The following KIF26A variants were observed in gnomAD, a reference collection of about 807,000 sequenced individuals.
KIF26A encodes the protein kinesin-like protein KIF26A.
In KIF26A, 74 loss-of-function variants were observed where a neutral mutation model predicts 126.0. The ratio of observed to expected loss-of-function variants is 0.59; its 90% CI spans 0.49 to 0.71. The LOEUF is 0.71. Among genes scored for constraint, KIF26A ranks in the 30% least tolerant of loss-of-function variants. The pLI is 0.00. For missense variants in KIF26A, 2,984 were observed against 2,763.3 expected, an observed-to-expected ratio of 1.08 and a Z score of -1.79; for synonymous variants, 1,445 against 1,232.7, an observed-to-expected ratio of 1.17 and a Z score of -3.61.
chr14:104,173,623 C>T lies in KIF26A; in HGVS notation c.1868-83C>T, dbSNP rs577378010. 620 of 1,546,956 alleles carry T rather than the reference C, an allele frequency of 4.0e-4. 8 individuals carry two copies. In the South Asian group the frequency reaches 6.6e-3, roughly 16 times the overall value. ...CCTGGGGATGTCCCTGGGGTTGTCCCCAGCTTGGGCCTGGGGTGGGGATGT... is the reference window on the plus strand; with the variant it reads ...CCTGGGGATGTCCCTGGGGTTGTCCTCAGCTTGGGCCTGGGGTGGGGATGT... On this transcript the variant is annotated intron_variant, in intron 9 of 14. Transcript: ENST00000423312.
In KIF26A at chr14:104,176,145, C is replaced by T. The variant is rs546337927; in HGVS notation, c.3357C>T (p.Val1119=). The part of the protein sequence containing the change: ...SISSWLSEVS[V]CTADSRDPTP... ...GCTCCTGGCTCAGCGAGGTCAGCGT[C>T]TGCACTGCCGACAGCCGTGACCCCA... Residue 1119 remains valine (V), a synonymous_variant, in exon 12 of 15, where the codon GTC becomes GTT. Coordinates refer to ENST00000423312, the MANE Select transcript of KIF26A (RefSeq NM_015656.2). 2.4e-4 allele frequency: 387 copies of T among 1,585,384 alleles called. No homozygotes were observed. Among genetic ancestry groups the T allele is most frequent in the Non-Finnish European group, 3.2e-4 (376 of 1,167,078 alleles).
rs769541880 is a variant in KIF26A, at chr14:104,180,564, T to A, written c.*774T>A. ...TCATATTTTTATATCATTTTGCCCA[T>A]AAATGCGGAATTTGCCGTGGGAATT... On this transcript the variant is annotated 3_prime_UTR_variant, in exon 15 of 15. Coordinates refer to ENST00000423312, the MANE Select transcript of KIF26A (RefSeq NM_015656.2). 6.5e-6 allele frequency: 1 copy of A among 152,854 alleles called. No individual in the cohort carries two copies. The highest frequency in any genetic ancestry group is 2.4e-5 in the African/African-American group (1 of 41,468). The allele number at this position is 152,854 out of a possible 1,614,324, so 9.5% of individuals were successfully genotyped here. A position where few individuals can be genotyped will look rare whatever the true frequency, so the allele number is the denominator to read the frequency against.
At chr14:104,172,729 C>A in intron 7 of KIF26A, 61 bp downstream of exon 7, 1 of 1,327,150 alleles carries the variant, frequency 7.5e-7, no homozygotes. Context: ...ATCCTCATCA[C>A]GGTGGTTGCT....
chr14:104,143,548 TG>T (rs2037655645), intron 2 of KIF26A, among the ~76,000 whole-genome samples: 1 of 152,210 alleles, frequency 6.6e-6, no homozygotes, highest in Non-Finnish European at 1.5e-5. Context: ...CCTGGATGGA[TG>T]GGGGCATCTC....
chr14:104,138,970 G>C, intron 1 of KIF26A, 73 bp from the exon 2 acceptor site: 1 of 1,308,948 alleles, frequency 7.6e-7, no homozygotes, highest in Non-Finnish European at 9.7e-7. Context: ...TCACGCTGGG[G>C]CAGGGCGCGC....
At chr14:104,157,994 G>A (rs142639926) in intron 4 of KIF26A, 52 bp downstream of exon 4, 84 of 1,446,128 alleles carry the variant, frequency 5.8e-5, no homozygotes, top group African/African-American at 1.5e-4. Flanking sequence ...CCATGGCCCC[G>A]GCTGTGGGCC....
chr14:104,179,483 G>A, intron 14 of KIF26A, 97 bp downstream of exon 14: 1 of 1,427,862 alleles, frequency 7.0e-7, no homozygotes, highest in South Asian at 1.5e-5. Flanking sequence ...GTACCTCGTG[G>A]TGGGAAGGCT....
At chr14:104,172,827 C>A (rs1596147475) in intron 7 of KIF26A, 150 bp from the exon 8 acceptor site, 1 of 1,193,792 alleles carries the variant, frequency 8.4e-7, no homozygotes, top group African/African-American at 1.5e-5. Context: ...GGAAGCTGAA[C>A]CCCTGCCGAA....
chr14:104,173,398 G>C lies in KIF26A; in HGVS notation c.1752G>C (p.Leu584=), dbSNP rs751106719. Residue 584 remains leucine, a synonymous_variant, in exon 9 of 15, where the codon CTG becomes CTC. Transcript: ENST00000423312. ...EKAAFYLDAA[L]AARSTSRAGC... ...CGGCTTTCTACCTGGATGCGGCCCT[G>C]GCGGCCCGCAGCACCAGCCGAGCGG... 3.2e-6 allele frequency: 5 copies of C among 1,584,226 alleles called. No individual in the cohort carries two copies. Among genetic ancestry groups the C allele is most frequent in the African/African-American group, 2.7e-5 (2 of 74,174 alleles).
At chr14:104,146,324 GCC>G (rs1222136404) in intron 2 of KIF26A, among the ~76,000 whole-genome samples, 1 of 152,104 alleles carries the variant, frequency 6.6e-6, no homozygotes, top group Non-Finnish European at 1.5e-5. Flanking sequence ...TCCTGGTCCT[GCC>G]CAACTTCCTG....
At chr14:104,172,748 C>G in intron 7 of KIF26A, 80 bp downstream of exon 7, 2 of 1,220,872 alleles carry the variant, frequency 1.6e-6, no homozygotes, top group Non-Finnish European at 2.3e-6. Context: ...CTGGCAGCTT[C>G]TGATGGGAAA....
chr14:104,174,175 T>C lies in KIF26A; in HGVS notation c.2058T>C (p.Arg686=). Residue 686 remains arginine, a synonymous_variant, in exon 11 of 15, where the codon CGT becomes CGC. Coordinates refer to ENST00000423312, the MANE Select transcript of KIF26A (RefSeq NM_015656.2). ...YRDHRLTMLL[R]ESLATAGCRT... Reference sequence around the variant, plus strand: ...ACCACAGGCTCACCATGCTGCTGCGTGAATCCCTGGCCACCGCTGGCTGCC... The same window carrying C: ...ACCACAGGCTCACCATGCTGCTGCGCGAATCCCTGGCCACCGCTGGCTGCC... 6.3e-7 allele frequency: 1 copy of C among 1,590,016 alleles called. No individual in the cohort carries two copies.
intron 2 of KIF26A, among the ~76,000 whole-genome samples, chr14:104,140,329 C>T (rs1204151882): frequency 3.9e-5 from 6 of 152,154 alleles, no homozygotes; most frequent in Non-Finnish European, 7.4e-5. Context: ...GGGCTGGACC[C>T]GCCCTGTCCT....
At chr14:104,171,679 C>G (rs1163263578) in intron 5 of KIF26A, 44 bp from the exon 6 acceptor site, 2 of 1,496,166 alleles carry the variant, frequency 1.3e-6, no homozygotes, top group Admixed American at 3.9e-5. Flanking sequence ...TAGTGGCCGG[C>G]TGGGCGGAGG....
chr14:104,166,144 G>A (rs533046406), intron 4 of KIF26A, among the ~76,000 whole-genome samples: 6 of 151,934 alleles, frequency 3.9e-5, no homozygotes, highest in South Asian at 2.1e-4. Context: ...GTGGCAGCGG[G>A]GGCACTTCCC....
At chr14:104,179,480 G>T in intron 14 of KIF26A, 94 bp downstream of exon 14, 1 of 1,426,270 alleles carries the variant, frequency 7.0e-7, no homozygotes, top group African/African-American at 1.4e-5. Context: ...CCTGTACCTC[G>T]TGGTGGGAAG....
At chr14:104,160,153 G>T (rs370832434) in intron 4 of KIF26A, among the ~76,000 whole-genome samples, 1 of 152,232 alleles carries the variant, frequency 6.6e-6, no homozygotes, top group South Asian at 2.1e-4. Flanking sequence ...CACGGGACCC[G>T]TGTAGCAGTC....
intron 4 of KIF26A, 31 bp downstream of exon 4, chr14:104,157,973 T>C: frequency 6.8e-7 from 1 of 1,468,114 alleles, no homozygotes; most frequent in East Asian, 2.6e-5. Context: ...GGCAGCCTTG[T>C]GGGCAGGGCC....
chr14:104,177,373 G>C lies in KIF26A; in HGVS notation c.4585G>C (p.Gly1529Arg). The change falls in exon 12 of 15, where the codon GGC becomes CGC. Residue 1529 changes from glycine (G) to arginine (R), a missense_variant. Transcript: ENST00000423312. The part of the protein sequence containing the change: ...TASVTGRSPG[G>R]PVAGPRAAPR... ...CTCTGTGACGGGCAGGAGCCCTGGC[G>C]GCCCTGTGGCCGGTCCCAGAGCAGC... 6.7e-7 allele frequency: 1 copy of C among 1,484,010 alleles called. No homozygotes were observed. The highest frequency in any genetic ancestry group is 2.5e-5 in the East Asian group (1 of 40,500). The allele number at this position is 1,484,010 out of a possible 1,614,324, so 91.9% of individuals were successfully genotyped here.
Sources: allele counts gnomAD v4.1 joint callset (sites outside exome capture counted in the v4.1 genomes callset), GRCh38; gene constraint gnomAD v4.1.1; transcripts MANE v1.5; gene names NCBI Gene and HGNC (gene_info 2026-07-23, HGNC 2026-07-21).